The following CDKL1 variants were observed in gnomAD, a reference collection of about 807,000 sequenced individuals.
CDKL1 encodes the protein cyclin-dependent kinase-like 1.
In CDKL1, 41 loss-of-function variants were observed where a neutral mutation model predicts 42.0. The ratio of observed to expected loss-of-function variants is 0.98; its 90% confidence interval spans 0.76 to 1.27. The LOEUF is 1.27. Ranked by LOEUF, CDKL1 falls within the 50% of genes most tolerant of loss-of-function variation. The pLI is 0.00. For synonymous variants in CDKL1, 153 were observed against 158.6 expected (o/e 0.96, Z 0.26); for missense variants, 394 against 428.4 (o/e 0.92, Z 0.71).
chr14:50,332,459 T>G, intron 8 of CDKL1, 27 bp from the exon 9 acceptor site: 1 of 1,574,054 alleles, frequency 6.4e-7, no homozygotes. Flanking sequence ...TTCCTTCTTC[T>G]TACTTCTTCA....
chr14:50,334,640 G>T lies in CDKL1; in HGVS notation c.739-19C>A, dbSNP rs1555338525. 6 of 1,488,756 alleles carry T rather than the reference G, an allele frequency of 4.0e-6. No homozygotes were observed. The highest frequency in any genetic ancestry group is 1.7e-5 in the Admixed American group (1 of 59,580). The allele number at this position is 1,488,756 out of a possible 1,614,324, so 92.2% of individuals were successfully genotyped here. On this transcript the variant is annotated intron_variant, in intron 7 of 9. Coordinates refer to ENST00000395834, the MANE Select transcript of CDKL1 (RefSeq NM_004196.7). ...GTGGTTCCTGTTGAAAAGAAAAGAG[G>T]TTTTTAATTTACAGCATGTATTCAA...
At chr14:50,349,653 T>G (rs200051552) in intron 3 of CDKL1, among the ~76,000 whole-genome samples, 1 of 152,188 alleles carries the variant, frequency 6.6e-6, no homozygotes, top group East Asian at 1.9e-4. Context: ...TTCAACAAAC[T>G]TAACAGCTCT....
Position 50,342,214 on chromosome 14 carries a change from A to G in CDKL1, c.372T>C (p.His124=), listed in dbSNP as rs779243715. 5 of 1,613,370 alleles carry G rather than the reference A, an allele frequency of 3.1e-6. No individual in the cohort carries two copies. Among genetic ancestry groups the G allele is most frequent in the Non-Finnish European group, 4.2e-6 (5 of 1,179,324 alleles). ...VNFCHKHNCI[H]RDVKPENILI... ...GGATATTTTCTGGCTTCACGTCTCTATGTATGCACTAGTGTAACAAATCAA... is the reference window on the plus strand; with the variant it reads ...GGATATTTTCTGGCTTCACGTCTCTGTGTATGCACTAGTGTAACAAATCAA... The change falls in exon 5 of 10, where the codon CAT becomes CAC. Residue 124 remains histidine (H), a synonymous_variant. Transcript: ENST00000395834.
rs1242156902 is a variant in CDKL1, at chr14:50,354,255, C to G, written c.290+4773G>C. On this transcript the variant is annotated intron_variant, in intron 3 of 9. Transcript: ENST00000395834. ...CAGGTGTGAGCAACCACCCCCAGCCCTTCATTTCAATGTCTGTGTTGCTTT... is the reference window on the plus strand; with the variant it reads ...CAGGTGTGAGCAACCACCCCCAGCCGTTCATTTCAATGTCTGTGTTGCTTT... 3.5e-4 allele frequency among the ~76,000 whole-genome samples: 53 copies of G among 152,122 alleles called. 1 individual carries two copies. Among genetic ancestry groups the G allele is most frequent in the Non-Finnish European group, 2.9e-5 (2 of 68,020 alleles).
At chr14:50,355,539 C>T (rs987572533) in intron 3 of CDKL1, among the ~76,000 whole-genome samples, 4 of 152,184 alleles carry the variant, frequency 2.6e-5, no homozygotes, top group Non-Finnish European at 5.9e-5. Flanking sequence ...CATTTTGTAA[C>T]TATCAATTTA....
Position 50,341,192 on chromosome 14 carries a change from C to G in CDKL1, c.495G>C (p.Arg165Ser). 1 of 1,614,138 alleles carries G rather than the reference C, an allele frequency of 6.2e-7. No individual in the cohort carries two copies. Among genetic ancestry groups the G allele is most frequent in the East Asian group, 2.2e-5 (1 of 44,870 alleles). The change falls in exon 6 of 10, where the codon AGG (arginine) becomes AGC (serine). Residue 165 changes from arginine to serine, a missense_variant. By Grantham distance (110) the Arg-to-Ser change is moderately radical. Transcript: ENST00000395834. The part of the protein sequence containing the change: ...SDYYTDYVAT[R>S]WYRSPELLVG... ...CCAGCAGCTCAGGGGAGCGGTACCA[C>G]CTGGTAGCCACGTAGTCTGTATAGT...
At chr14:50,397,041 A>T, upstream of CDKL1, 1 of 1,296,104 alleles carries the variant, frequency 7.7e-7, no homozygotes, top group South Asian at 1.2e-5. Flanking sequence ...CCCTCCGTCC[A>T]TGGGAGCTGT....
At chr14:50,375,626 G>A (rs907789021) in intron 2 of CDKL1, among the ~76,000 whole-genome samples, 1 of 152,052 alleles carries the variant, frequency 6.6e-6, no homozygotes, top group Non-Finnish European at 1.5e-5. Flanking sequence ...GTGAAACCCC[G>A]TCTCTACTAA....
chr14:50,345,039 T>C lies in CDKL1; in HGVS notation c.310A>G (p.Lys104Glu). The C allele has an allele frequency of 6.2e-7, 1 of 1,614,064 alleles. No individual in the cohort carries two copies. Among genetic ancestry groups the C allele is most frequent in the Non-Finnish European group, 8.5e-7 (1 of 1,179,970 alleles). Residue 104 changes from lysine to glutamate, a missense_variant, in exon 4 of 10, where the codon AAG becomes GAG. Transcript: ENST00000395834. Reference protein sequence around the residue: ...YQRGVPEHLVKSITWQTLQAV... With the variant: ...YQRGVPEHLVESITWQTLQAV... Reference sequence around the variant, plus strand: ...TGCAGTGTCTGCCAAGTTATGCTCTTCACGAGATGTTCTGGTACCCTAATA... The same window carrying C: ...TGCAGTGTCTGCCAAGTTATGCTCTCCACGAGATGTTCTGGTACCCTAATA...
chr14:50,361,669 C>T (rs1294476706), intron 2 of CDKL1, among the ~76,000 whole-genome samples: 3 of 152,230 alleles, frequency 2.0e-5, no homozygotes, highest in Non-Finnish European at 4.4e-5. Flanking sequence ...TGCCTCCCAG[C>T]GGCCACACCT....
At position 50,329,294 on chromosome 14, in the gene CDKL1, TG is replaced by T. The variant is rs2032819434; in HGVS notation, c.*779del. On this transcript the variant is annotated 3_prime_UTR_variant, in exon 10 of 10. Transcript: ENST00000395834. ...TGATAGGTTCAGTTCCTGCAAAGCC[TG>T]TAGGTCTTGCTCTACCCTTTGACTG... 2 of 152,170 alleles carry T rather than the reference TG, an allele frequency of 1.3e-5. No homozygotes were observed. Among genetic ancestry groups the T allele is most frequent in the Admixed American group, 1.3e-4 (2 of 15,268 alleles). 9.4% of individuals were successfully genotyped at this position (152,170 alleles called of 1,614,324 possible).
chr14:50,382,858 G>A (rs533667835), intron 2 of CDKL1, among the ~76,000 whole-genome samples: 4 of 152,114 alleles, frequency 2.6e-5, no homozygotes, highest in Admixed American at 2.0e-4. Context: ...CTCCCAAAGC[G>A]TTAGGATTAC....
chr14:50,363,659 G>A (rs1358127150), intron 2 of CDKL1, among the ~76,000 whole-genome samples: 1 of 152,248 alleles, frequency 6.6e-6, no homozygotes, highest in South Asian at 2.1e-4. Flanking sequence ...TAGTCCTCAT[G>A]TCTCCAGCTG....
upstream of CDKL1, chr14:50,397,097 G>A (rs990402696): frequency 4.4e-6 from 6 of 1,358,516 alleles, no homozygotes; most frequent in African/African-American, 3.0e-5. Context: ...AGACCTGCTA[G>A]ATTTGCAAAC....
At chr14:50,337,437 A>G (rs746578017) in intron 7 of CDKL1, among the ~76,000 whole-genome samples, 2 of 147,796 alleles carry the variant, frequency 1.4e-5, no homozygotes, top group African/African-American at 2.5e-5. Context: ...CTGTAACCTC[A>G]AACTCCTGGG....
intron 3 of CDKL1, among the ~76,000 whole-genome samples, chr14:50,346,915 C>A (rs757103040): frequency 1.3e-5 from 2 of 152,092 alleles, no homozygotes; most frequent in African/African-American, 4.8e-5. Context: ...TCCCAAAGTG[C>A]TGGGATTACA....
At chr14:50,378,123 A>G in intron 2 of CDKL1, 2 of 1,342,944 alleles carry the variant, frequency 1.5e-6, no homozygotes, top group Non-Finnish European at 2.0e-6. Context: ...CTGAACCTTC[A>G]GGGCTAGGAA....
chr14:50,379,968 A>G (rs1431469947), intron 2 of CDKL1: 1 of 381,362 alleles, frequency 2.6e-6, no homozygotes, highest in Non-Finnish European at 5.3e-6. Context: ...GGGGACCCCA[A>G]ATGCTACCAT....
intron 7 of CDKL1, chr14:50,335,400 A>C (rs1029858340): frequency 7.6e-7 from 1 of 1,307,192 alleles, no homozygotes; most frequent in Non-Finnish European, 1.1e-6. Context: ...ATGCTTCTTG[A>C]TTTTCTGGAA....
Sources: allele counts gnomAD v4.1 joint callset (sites outside exome capture counted in the v4.1 genomes callset), GRCh38; gene constraint gnomAD v4.1.1; transcripts MANE v1.5; gene names NCBI Gene and HGNC (gene_info 2026-07-23, HGNC 2026-07-21).